The following PPM1K variants were observed in gnomAD, a reference collection of about 807,000 sequenced individuals.
The protein encoded by PPM1K is protein phosphatase Mn(2+)-dependent 1K.
PPM1K carries 19 observed loss-of-function variants against 32.6 expected under a neutral mutation model. The ratio of observed to expected loss-of-function variants is 0.58; its 90% CI spans 0.41 to 0.86. PPM1K has a LOEUF of 0.86. PPM1K is among the 40% of genes least tolerant of loss of function. PPM1K has a pLI of 0.00. For synonymous variants in PPM1K, 159 were observed against 165.3 expected (o/e 0.96, Z 0.29); for missense variants, 362 against 461.2 (o/e 0.78, Z 1.97).
chr4:88,264,278 T>C (rs904105425), intron 6 of PPM1K, among the ~76,000 whole-genome samples: 14 of 152,272 alleles, frequency 9.2e-5, no homozygotes, highest in African/African-American at 1.7e-4. Context: ...AATTAAAACA[T>C]GCCTCTAATA....
At chr4:88,274,618 T>A (rs1731690046) in intron 3 of PPM1K, among the ~76,000 whole-genome samples, 1 of 152,212 alleles carries the variant, frequency 6.6e-6, no homozygotes, top group Non-Finnish European at 1.5e-5. Flanking sequence ...CCTATCTATA[T>A]ACATAGGCCG....
intron 3 of PPM1K, among the ~76,000 whole-genome samples, chr4:88,273,772 G>A (rs1340028754): frequency 6.6e-6 from 1 of 151,908 alleles, no homozygotes; most frequent in African/African-American, 2.4e-5. Context: ...CATGTGTAAA[G>A]AAATGGGCAA....
At position 88,257,689 on chromosome 4, in the gene PPM1K, C is replaced by G. The variant is rs894867313; in HGVS notation, c.*4906G>C. ...AGATAATGTGATTTCATTCTGCTCA[C>G]AGTTACTCTAGTACACAGATTTAAA... On this transcript the variant is annotated 3_prime_UTR_variant, in exon 7 of 7. Coordinates refer to ENST00000608933, the MANE Select transcript of PPM1K (RefSeq NM_152542.5). 1 of 152,318 alleles carries G rather than the reference C, an allele frequency of 6.6e-6. No individual in the cohort carries two copies. The highest frequency in any genetic ancestry group is 1.9e-4 in the East Asian group (1 of 5,190). 9.4% of individuals were successfully genotyped at this position (152,318 alleles called of 1,614,324 possible). A position where few individuals can be genotyped will look rare whatever the true frequency, so the allele number is the denominator to read the frequency against.
chr4:88,272,353 A>T (rs1279634845), intron 3 of PPM1K, among the ~76,000 whole-genome samples: 1 of 152,226 alleles, frequency 6.6e-6, no homozygotes, highest in Non-Finnish European at 1.5e-5. Flanking sequence ...TATGAAGAAC[A>T]TAAAAGTTTC....
chr4:88,276,163 C>T (rs1407882208), intron 3 of PPM1K: 98 of 985,286 alleles, frequency 9.9e-5, no homozygotes, highest in Non-Finnish European at 1.1e-4. Context: ...CTGAACTGAC[C>T]TTTACCACTC....
intron 1 of PPM1K, among the ~76,000 whole-genome samples, chr4:88,282,323 C>G (rs540175680): frequency 5.3e-5 from 8 of 152,270 alleles, no homozygotes; most frequent in African/African-American, 1.9e-4. Context: ...TAAGCACATG[C>G]CAAAATTATT....
intron 3 of PPM1K, chr4:88,276,322 G>A: frequency 1.0e-6 from 1 of 985,216 alleles, no homozygotes; most frequent in Non-Finnish European, 1.2e-6. Context: ...CAAGATTATT[G>A]CATGATTCAT....
chr4:88,283,284 GTA>G (rs1560496134), intron 1 of PPM1K, among the ~76,000 whole-genome samples: 1 of 152,148 alleles, frequency 6.6e-6, no homozygotes, highest in African/African-American at 2.4e-5. Context: ...GGTAATTTTT[GTA>G]TGTTTTGTAG....
rs1731852887 is a variant in PPM1K, at chr4:88,278,074, G to A, written c.440+70C>T. ...AACTATGTTTACGCTGGAAGCCTCA[G>A]CCAAAGGGTGAAAGTTTAAGTAGGA... On this transcript the variant is annotated intron_variant, in intron 2 of 6. Coordinates refer to ENST00000608933, the MANE Select transcript of PPM1K (RefSeq NM_152542.5). The surrounding 1 kb of genome is among the most constrained non-coding windows in gnomAD (Gnocchi z 4.2). The A allele has an allele frequency of 3.0e-6, 4 of 1,354,682 alleles. No homozygotes were observed. Among genetic ancestry groups the A allele is most frequent in the Non-Finnish European group, 4.1e-6 (4 of 976,930 alleles). The allele number at this position is 1,354,682 out of a possible 1,614,324, so 83.9% of individuals were successfully genotyped here.
At chr4:88,263,805 G>A (rs1731212499) in intron 6 of PPM1K, among the ~76,000 whole-genome samples, 1 of 151,782 alleles carries the variant, frequency 6.6e-6, no homozygotes, top group African/African-American at 2.4e-5. Context: ...CTCATAGCTG[G>A]GACTATACAT....
intron 4 of PPM1K, 22 bp from the exon 5 acceptor site, chr4:88,268,356 T>C: frequency 1.2e-6 from 2 of 1,613,976 alleles, no homozygotes; most frequent in Non-Finnish European, 1.7e-6. Context: ...TAAATGACAA[T>C]GGTGTGATAT....
rs748788866 is a variant in PPM1K, at chr4:88,271,167, A to C, written c.542-2261T>G. The stretch of plus-strand genomic sequence containing the variant: ...TAGTGTCCACGGGCTCCAGGTCTAG[A>C]GCTGCTGACCAGGCACAGTTCTCTG... On this transcript the variant is annotated intron_variant, in intron 3 of 6. Transcript: ENST00000608933. The C allele has an allele frequency of 1.7e-5, 9 of 515,310 alleles. 1 individual carries two copies. Among genetic ancestry groups the C allele is most frequent in the South Asian group, 1.3e-4 (9 of 70,784 alleles). 31.9% of individuals were successfully genotyped at this position (515,310 alleles called of 1,614,324 possible). A position where few individuals can be genotyped will look rare whatever the true frequency, so the allele number is the denominator to read the frequency against.
chr4:88,274,732 T>TA (rs1377908263), intron 3 of PPM1K, among the ~76,000 whole-genome samples: 16 of 152,282 alleles, frequency 1.1e-4, no homozygotes, highest in Admixed American at 9.8e-4. Flanking sequence ...AATGACATTT[T>TA]AAAAAATCCA....
chr4:88,278,453 T>C lies in PPM1K; in HGVS notation c.131A>G (p.Glu44Gly). The C allele has an allele frequency of 6.2e-7, 1 of 1,614,044 alleles. No individual in the cohort carries two copies. ...VTPTCHSSTS[E>G]PRCSRFDPDG... is the part of the protein sequence containing the mutation. The stretch of plus-strand genomic sequence containing the variant: ...TGGGTCAAACCGAGAACACCTAGGC[T>C]CTGAAGTGGAGCTGTGGCACGTGGG... Residue 44 changes from glutamate to glycine, a missense_variant, in exon 2 of 7, where the codon GAG becomes GGG. By Grantham distance (98) the Glu-to-Gly change is moderately conservative (BLOSUM62 -2). Transcript: ENST00000608933. The surrounding 1 kb of genome is among the most constrained non-coding windows in gnomAD (Gnocchi z 4.2).
intron 5 of PPM1K, among the ~76,000 whole-genome samples, chr4:88,266,454 G>T (rs1384488787): frequency 1.3e-5 from 2 of 151,162 alleles, no homozygotes; most frequent in East Asian, 3.9e-4. Flanking sequence ...GGTGTTGCTG[G>T]CTGATTGGGT....
intron 5 of PPM1K, among the ~76,000 whole-genome samples, chr4:88,266,992 CTGATTGGGTGCAGGTGATGCTGGT>C (rs1369183870): frequency 1.4e-4 from 20 of 140,558 alleles, no homozygotes; most frequent in East Asian, 6.7e-4. Flanking sequence ...GCAGGTGATG[CTGATTGGGTGCAGGTGATGCTGGT>C]TGATTGGGTG....
At position 88,278,732 on chromosome 4, in the gene PPM1K, G is replaced by C; in HGVS notation, c.-59-90C>G. The C allele has an allele frequency of 1.6e-6, 1 of 625,478 alleles. No homozygotes were observed. Among genetic ancestry groups the C allele is most frequent in the Non-Finnish European group, 2.7e-6 (1 of 365,090 alleles). The allele number at this position is 625,478 out of a possible 1,614,324, so 38.7% of individuals were successfully genotyped here. On this transcript the variant is annotated intron_variant, in intron 1 of 6. Coordinates refer to ENST00000608933, the MANE Select transcript of PPM1K (RefSeq NM_152542.5). This position sits in a 1 kb window ranked among gnomAD's most constrained non-coding sequence, Gnocchi z 4.2. ...AGAGACAGAGAGAGAGAGACCATCA[G>C]AAATTTTGAATATAACTGATATGTC...
Position 88,262,471 on chromosome 4 carries a change from T to C in PPM1K, c.*124A>G. On this transcript the variant is annotated 3_prime_UTR_variant, in exon 7 of 7. Transcript: ENST00000608933. ...ATGAGCATTTATGAAAAAACTACTA[T>C]CTAAGTGGTTTACACTGACTTGTGC... is the stretch of plus-strand genomic sequence containing the variant. 1.0e-6 allele frequency: 1 copy of C among 990,868 alleles called. No individual in the cohort carries two copies. Among genetic ancestry groups the C allele is most frequent in the East Asian group, 2.6e-5 (1 of 38,554 alleles). The allele number at this position is 990,868 out of a possible 1,614,324, so 61.4% of individuals were successfully genotyped here. A position where few individuals can be genotyped will look rare whatever the true frequency, so the allele number is the denominator to read the frequency against.
rs1731144950 is a variant in PPM1K at position 88,262,185 on chromosome 4, AG to A, written c.*409del. On this transcript the variant is annotated 3_prime_UTR_variant, in exon 7 of 7. Coordinates refer to ENST00000608933, the MANE Select transcript of PPM1K (RefSeq NM_152542.5). ...TGGAAAAAAATTTTTTTAAACTTGG[AG>A]ATCACATATTGAATAGCTGTCAAAA... The A allele has an allele frequency of 6.5e-6, 1 of 153,172 alleles. No homozygotes were observed. The highest frequency in any genetic ancestry group is 6.5e-5 in the Admixed American group (1 of 15,310). The allele number at this position is 153,172 out of a possible 1,614,324, so 9.5% of individuals were successfully genotyped here. A position where few individuals can be genotyped will look rare whatever the true frequency, so the allele number is the denominator to read the frequency against.
Sources: allele counts gnomAD v4.1 joint callset (sites outside exome capture counted in the v4.1 genomes callset), GRCh38; gene constraint gnomAD v4.1.1; non-coding constraint Gnocchi (gnomAD v3.1); transcripts MANE v1.5; gene names NCBI Gene and HGNC (gene_info 2026-07-23, HGNC 2026-07-21).